IKZF1: variants seen among roughly 807,000 people sequenced by gnomAD.
IKZF1 encodes DNA-binding protein Ikaros.
In IKZF1, 10 loss-of-function variants were observed where a neutral mutation model predicts 51.7. That is an observed-to-expected ratio of 0.19 (90% CI 0.12 to 0.33). IKZF1 has a LOEUF of 0.33. IKZF1 is among the 10% of genes least tolerant of loss of function. The pLI is 1.00. For missense variants in IKZF1, 484 were observed against 707.5 expected (o/e 0.68, Z 3.58); for synonymous variants, 280 against 282.3 (o/e 0.99, Z 0.08).
rs929275314 is a variant in IKZF1 at position 50,400,150 on chromosome 7, C to T, written c.1083C>T (p.Ser361=). 3.2e-6 allele frequency: 5 copies of T among 1,562,544 alleles called. No homozygotes were observed. In the African/African-American group the frequency reaches 4.1e-5, roughly 13 times the overall value. The stretch of plus-strand genomic sequence containing the variant: ...CGCTCGCGGAGGGCACCCCGCGCTC[C>T]AACCACTCGGCCCAGGACAGCGCCG... The part of the protein sequence containing the change: ...HKPLAEGTPR[S]NHSAQDSAVE... The change falls in exon 8 of 8, where the codon TCC becomes TCT. Residue 361 remains serine (S), a synonymous_variant. Coordinates refer to ENST00000331340, the MANE Select transcript of IKZF1 (RefSeq NM_006060.6). This position sits in a 1 kb window ranked among gnomAD's most constrained non-coding sequence, Gnocchi z 5.4.
Position 50,400,756 on chromosome 7 carries a change from G to GT in IKZF1, c.*135dup, listed in dbSNP as rs369021018. Reference sequence around the variant, plus strand: ...CAATGTTGTGTTTGGATTTGTAACTGTTTTTTGTTTTTTGTTTGAGTTGGT... The same window carrying GT: ...CAATGTTGTGTTTGGATTTGTAACTGTTTTTTTGTTTTTTGTTTGAGTTGGT... On this transcript the variant is annotated 3_prime_UTR_variant, in exon 8 of 8. Transcript: ENST00000331340. This position sits in a 1 kb window ranked among gnomAD's most constrained non-coding sequence, Gnocchi z 5.4. 2.1e-3 allele frequency: 2,490 copies of GT among 1,176,226 alleles called. 19 individuals carry two copies. The highest frequency in any genetic ancestry group is 0.018 in the African/African-American group (1,152 of 64,402). 72.9% of individuals were successfully genotyped at this position (1,176,226 alleles called of 1,614,324 possible). A position where few individuals can be genotyped will look rare whatever the true frequency, so the allele number is the denominator to read the frequency against.
chr7:50,364,173 A>G (rs1806108473), intron 3 of IKZF1, among the ~76,000 whole-genome samples: 1 of 152,202 alleles, frequency 6.6e-6, no homozygotes, highest in Admixed American at 6.5e-5. Context: ...TGAAAATCTC[A>G]AGTAGGTTTA....
intron 1 of IKZF1, among the ~76,000 whole-genome samples, chr7:50,307,151 G>A (rs958271907): frequency 1.3e-5 from 2 of 152,086 alleles, no homozygotes; most frequent in Non-Finnish European, 2.9e-5. Context: ...TTATATAATG[G>A]TGAATTTTAG....
intron 7 of IKZF1, among the ~76,000 whole-genome samples, chr7:50,397,800 T>G (rs1817101213): frequency 6.6e-6 from 1 of 152,214 alleles, no homozygotes; most frequent in Non-Finnish European, 1.5e-5. Context: ...GTCCCTACCA[T>G]CAGCTTCATA....
At chr7:50,356,620 T>C (rs1803486900) in intron 3 of IKZF1, among the ~76,000 whole-genome samples, 1 of 152,248 alleles carries the variant, frequency 6.6e-6, no homozygotes, top group Non-Finnish European at 1.5e-5. Flanking sequence ...GCTAAGCTAC[T>C]CAATGCAATT....
At position 50,368,021 on chromosome 7, in the gene IKZF1, A is replaced by T. The variant is rs1398036160; in HGVS notation, c.161-8512A>T. Reference sequence around the variant, plus strand: ...TTTATTGCAGTTACATATGGGGCTGATGACTTTAGGGATTTCCATGCAATA... The same window carrying T: ...TTTATTGCAGTTACATATGGGGCTGTTGACTTTAGGGATTTCCATGCAATA... On this transcript the variant is annotated intron_variant, in intron 3 of 7. Transcript: ENST00000331340. 16 of 699,670 alleles carry T rather than the reference A, an allele frequency of 2.3e-5. No homozygotes were observed. The Admixed American group carries it at 3.0e-4, about 13-fold the overall frequency. The allele number at this position is 699,670 out of a possible 1,614,324, so 43.3% of individuals were successfully genotyped here.
chr7:50,357,786 C>T (rs761356057), intron 3 of IKZF1, among the ~76,000 whole-genome samples: 1 of 152,170 alleles, frequency 6.6e-6, no homozygotes, highest in African/African-American at 2.4e-5. Context: ...GAGAAGTTAG[C>T]TCAGGACACA....
intron 3 of IKZF1, among the ~76,000 whole-genome samples, chr7:50,338,869 C>T (rs970051459): frequency 3.9e-5 from 6 of 152,330 alleles, no homozygotes; most frequent in South Asian, 2.1e-4. Flanking sequence ...CACAAATTAC[C>T]GCAGACACGC....
chr7:50,399,283 A>T (rs1817503817), intron 7 of IKZF1, among the ~76,000 whole-genome samples: 1 of 151,466 alleles, frequency 6.6e-6, no homozygotes, highest in Admixed American at 6.6e-5. Flanking sequence ...CTCTCATCTC[A>T]AGACAGAGTT....
intron 3 of IKZF1, among the ~76,000 whole-genome samples, chr7:50,370,501 G>C (rs949088505): frequency 1.3e-5 from 2 of 152,296 alleles, no homozygotes; most frequent in African/African-American, 4.8e-5. Context: ...TCCATACAGG[G>C]GTGTGGGGTC....
At chr7:50,343,655 G>A (rs1412589244) in intron 3 of IKZF1, among the ~76,000 whole-genome samples, 1 of 152,208 alleles carries the variant, frequency 6.6e-6, no homozygotes, top group Non-Finnish European at 1.5e-5. Context: ...CTCTAGCTAT[G>A]GTCATTTCAT....
chr7:50,339,197 G>A (rs1413210723), intron 3 of IKZF1, among the ~76,000 whole-genome samples: 1 of 145,540 alleles, frequency 6.9e-6, no homozygotes, highest in African/African-American at 2.6e-5. Flanking sequence ...TTGAAAGGAG[G>A]AATTCTTTTG....
intron 1 of IKZF1, chr7:50,308,840 C>T (rs1789442062): frequency 6.6e-6 from 1 of 152,314 alleles, no homozygotes; most frequent in African/African-American, 2.4e-5. Flanking sequence ...AGCCCTAGGT[C>T]CTCAAAGTCT....
At chr7:50,349,323 T>C (rs1205533947) in intron 3 of IKZF1, among the ~76,000 whole-genome samples, 1 of 152,154 alleles carries the variant, frequency 6.6e-6, no homozygotes, top group Non-Finnish European at 1.5e-5. Flanking sequence ...GTTGAGTGTG[T>C]AATGAGGAGT....
At chr7:50,380,113 C>T (rs1811421854) in intron 4 of IKZF1, among the ~76,000 whole-genome samples, 1 of 152,200 alleles carries the variant, frequency 6.6e-6, no homozygotes, top group African/African-American at 2.4e-5. Context: ...TGTGCCCCAG[C>T]TCCATGGACG....
Position 50,404,246 on chromosome 7 carries a change from C to T in IKZF1, c.*3619C>T. 4.6e-6 allele frequency: 1 copy of T among 218,856 alleles called. No homozygotes were observed. The highest frequency in any genetic ancestry group is 1.8e-4 in the South Asian group (1 of 5,408). 13.6% of individuals were successfully genotyped at this position (218,856 alleles called of 1,614,324 possible). On this transcript the variant is annotated 3_prime_UTR_variant, in exon 8 of 8. Coordinates refer to ENST00000331340, the MANE Select transcript of IKZF1 (RefSeq NM_006060.6). ...CAGCTTTAGGTCTTCAGCTGCCCTTCTGGCGAGTACATGCACAGGATTGTA... is the reference window on the plus strand; with the variant it reads ...CAGCTTTAGGTCTTCAGCTGCCCTTTTGGCGAGTACATGCACAGGATTGTA...
chr7:50,315,417 C>T (rs185479935), intron 1 of IKZF1, among the ~76,000 whole-genome samples: 7 of 152,116 alleles, frequency 4.6e-5, no homozygotes, highest in African/African-American at 1.2e-4. Flanking sequence ...CTCCACTCCC[C>T]GCTCCTAGAG....
intron 3 of IKZF1, chr7:50,367,922 A>G (rs1807443129): frequency 1.6e-6 from 1 of 606,370 alleles, no homozygotes; most frequent in East Asian, 2.7e-5. Context: ...CTTTTTTAAA[A>G]AAAAGTAATG....
Position 50,376,168 on chromosome 7 carries a change from G to T in IKZF1, c.161-365G>T, listed in dbSNP as rs1810221055. 6.6e-6 allele frequency among the ~76,000 whole-genome samples: 1 copy of T among 152,244 alleles called. No individual in the cohort carries two copies. Among genetic ancestry groups the T allele is most frequent in the Admixed American group, 6.5e-5 (1 of 15,288 alleles). ...CTAGGGCAAGGTGCCCATCTGATGG[G>T]TAGGGTGTAGGAGTAGGCCTCAGAC... On this transcript the variant is annotated intron_variant, in intron 3 of 7. Coordinates refer to ENST00000331340, the MANE Select transcript of IKZF1 (RefSeq NM_006060.6). This position sits in a 1 kb window ranked among gnomAD's most constrained non-coding sequence, Gnocchi z 4.5.
Sources: allele counts gnomAD v4.1 joint callset (sites outside exome capture counted in the v4.1 genomes callset), GRCh38; gene constraint gnomAD v4.1.1; non-coding constraint Gnocchi (gnomAD v3.1); transcripts MANE v1.5; gene names NCBI Gene and HGNC (gene_info 2026-07-23, HGNC 2026-07-21).